ADGRB3: variants seen among roughly 807,000 people sequenced by gnomAD.
The protein encoded by ADGRB3 is adhesion G protein-coupled receptor B3.
A neutral mutation model predicts 193.4 loss-of-function variants in ADGRB3; 37 were observed. The ratio of observed to expected loss-of-function variants is 0.19; its 90% CI spans 0.15 to 0.25. ADGRB3 has a LOEUF of 0.25. ADGRB3 is among the 10% of genes least tolerant of loss of function. The pLI is 1.00. For synonymous variants in ADGRB3, 690 were observed against 644.2 expected, an observed-to-expected ratio of 1.07 and a Z score of -1.08; for missense variants, 1,637 against 1,852.9, an observed-to-expected ratio of 0.88 and a Z score of 2.14.
chr6:69,044,315 G>T (rs149584191), intron 13 of ADGRB3, among the ~76,000 whole-genome samples: 1 of 152,028 alleles, frequency 6.6e-6, no homozygotes, highest in East Asian at 1.9e-4. Context: ...TGCAACTGAT[G>T]CATCAAATTA....
At chr6:68,728,530 A>C (rs998172136) in intron 3 of ADGRB3, among the ~76,000 whole-genome samples, 7 of 151,526 alleles carry the variant, frequency 4.6e-5, no homozygotes, top group African/African-American at 1.7e-4. Context: ...ACATATAAAC[A>C]TTTTTCTGGC....
At position 69,339,619 on chromosome 6, in the gene ADGRB3, C is replaced by A. The variant is rs141099043; in HGVS notation, c.3459+115C>A. 1.2e-3 allele frequency: 1,456 copies of A among 1,250,394 alleles called. 15 individuals are homozygous for A. The African/African-American group carries it at 0.02, about 17-fold the overall frequency. The allele number at this position is 1,250,394 out of a possible 1,614,324, so 77.5% of individuals were successfully genotyped here. A position where few individuals can be genotyped will look rare whatever the true frequency, so the allele number is the denominator to read the frequency against. ...GATTAAAGCTGGTCTCCTCCATTGA[C>A]AATCACTTGGGAATCAAAGCTGAAG... On this transcript the variant is annotated intron_variant, in intron 26 of 31. Transcript: ENST00000370598.
At chr6:69,155,670 A>C (rs1051112903) in intron 17 of ADGRB3, among the ~76,000 whole-genome samples, 1 of 152,208 alleles carries the variant, frequency 6.6e-6, no homozygotes, top group Non-Finnish European at 1.5e-5. Flanking sequence ...CTAATGTTGG[A>C]GCTGTTTCTA....
At chr6:69,013,586 CTTGCCTCCACT>C (rs1351455940) in intron 11 of ADGRB3, among the ~76,000 whole-genome samples, 1 of 152,100 alleles carries the variant, frequency 6.6e-6, no homozygotes, top group Non-Finnish European at 1.5e-5. Context: ...GGGAGCCTGT[CTTGCCTCCACT>C]TTGCCTATAG....
intron 3 of ADGRB3, among the ~76,000 whole-genome samples, chr6:68,910,253 G>T (rs995438133): frequency 6.6e-6 from 1 of 152,096 alleles, no homozygotes; most frequent in Non-Finnish European, 1.5e-5. Flanking sequence ...CGATGGGGTT[G>T]TTTGTTTTTT....
intron 3 of ADGRB3, among the ~76,000 whole-genome samples, chr6:68,804,574 A>T (rs1193124439): frequency 6.6e-6 from 1 of 152,174 alleles, no homozygotes; most frequent in East Asian, 1.9e-4. Flanking sequence ...TTATTAATTC[A>T]TTTGATAAGA....
chr6:69,187,279 TTTCCCTA>T (rs1765090659), intron 17 of ADGRB3, among the ~76,000 whole-genome samples: 1 of 152,198 alleles, frequency 6.6e-6, no homozygotes, highest in Non-Finnish European at 1.5e-5. Context: ...AAATAACATA[TTTCCCTA>T]TAATATTGGA....
At chr6:69,023,267 A>G (rs1447453147) in intron 13 of ADGRB3, among the ~76,000 whole-genome samples, 1 of 152,180 alleles carries the variant, frequency 6.6e-6, no homozygotes. Flanking sequence ...AAAGAATTAC[A>G]TAAATAAATA....
intron 17 of ADGRB3, among the ~76,000 whole-genome samples, chr6:69,127,741 C>A (rs1033286411): frequency 2.6e-5 from 4 of 152,010 alleles, no homozygotes; most frequent in Non-Finnish European, 2.9e-5. Context: ...AGGTGTGATT[C>A]GTCTTTTAAA....
chr6:69,040,382 T>TTTCTTTCTTTCTTTCTTTCC (rs201641587), intron 13 of ADGRB3, among the ~76,000 whole-genome samples: 1 of 55,878 alleles, frequency 1.8e-5, no homozygotes, highest in African/African-American at 5.6e-5. Context: ...TCTTTCCTTC[T>TTTCTTTCTTTCTTTCTTTCC]CTCTCTTTCT....
intron 17 of ADGRB3, among the ~76,000 whole-genome samples, chr6:69,226,629 C>T (rs1766021662): frequency 6.6e-6 from 1 of 152,200 alleles, no homozygotes. Flanking sequence ...TATAACAAGT[C>T]ACCTCGAATT....
At chr6:69,062,590 G>T (rs1454155493) in intron 15 of ADGRB3, among the ~76,000 whole-genome samples, 2 of 151,696 alleles carry the variant, frequency 1.3e-5, no homozygotes, top group Non-Finnish European at 2.9e-5. Flanking sequence ...GGTCCTCCTT[G>T]ATATAAATGA....
At chr6:68,927,483 A>G (rs1049360439) in intron 3 of ADGRB3, among the ~76,000 whole-genome samples, 1 of 152,150 alleles carries the variant, frequency 6.6e-6, no homozygotes, top group Non-Finnish European at 1.5e-5. Context: ...AGTGAAGAAG[A>G]TAATGCCATC....
At chr6:68,807,363 C>T (rs1218694338) in intron 3 of ADGRB3, among the ~76,000 whole-genome samples, 3 of 151,378 alleles carry the variant, frequency 2.0e-5, no homozygotes, top group East Asian at 1.9e-4. Flanking sequence ...CTCAGCCTCC[C>T]GAGTAGCTGG....
rs139589304 is a variant in ADGRB3 at position 69,013,604 on chromosome 6, A to G, written c.1930-434A>G. Among the ~76,000 whole-genome samples, 325 of 152,266 alleles carry G rather than the reference A, an allele frequency of 2.1e-3. 4 individuals carry two copies. The highest frequency in any genetic ancestry group is 7.7e-3 in the African/African-American group (319 of 41,564). ...AGCCTGTCTTGCCTCCACTTTGCCT[A>G]TAGTCTTACTAGGGTGTTCTTTGAA... On this transcript the variant is annotated intron_variant, in intron 11 of 31. Transcript: ENST00000370598.
At chr6:69,078,693 T>A (rs903766070) in intron 17 of ADGRB3, among the ~76,000 whole-genome samples, 1 of 152,064 alleles carries the variant, frequency 6.6e-6, no homozygotes, top group Non-Finnish European at 1.5e-5. Context: ...CCTGAGGATA[T>A]CTCTGCTCAC....
chr6:69,183,799 A>G (rs1384313718), intron 17 of ADGRB3, among the ~76,000 whole-genome samples: 6 of 152,124 alleles, frequency 3.9e-5, no homozygotes, highest in Admixed American at 3.3e-4. Flanking sequence ...ATGAATGTAA[A>G]TTAATTTCAT....
intron 30 of ADGRB3, among the ~76,000 whole-genome samples, chr6:69,375,327 A>C (rs1253386412): frequency 6.6e-6 from 1 of 152,114 alleles, no homozygotes; most frequent in East Asian, 1.9e-4. Flanking sequence ...TAGAAATACC[A>C]ATTAGGATTG....
At chr6:69,363,204 G>A (rs1258006841) in intron 29 of ADGRB3, among the ~76,000 whole-genome samples, 6 of 151,904 alleles carry the variant, frequency 3.9e-5, no homozygotes. Flanking sequence ...ATATAACTGT[G>A]ATTCAGCCAA....
Sources: allele counts gnomAD v4.1 joint callset (sites outside exome capture counted in the v4.1 genomes callset), GRCh38; gene constraint gnomAD v4.1.1; transcripts MANE v1.5; gene names NCBI Gene and HGNC (gene_info 2026-07-23, HGNC 2026-07-21).